The following ZCCHC14 variants were observed in gnomAD, a reference collection of about 807,000 sequenced individuals.
The protein encoded by ZCCHC14 is zinc finger CCHC domain-containing protein 14.
ZCCHC14 carries 16 observed loss-of-function variants against 85.0 expected under a neutral mutation model. The observed-to-expected ratio is 0.19, with a 90% CI of 0.13 to 0.29. The LOEUF (loss-of-function observed/expected upper bound fraction) is 0.29. Among genes scored for constraint, ZCCHC14 ranks in the 10% least tolerant of loss-of-function variants. ZCCHC14 has a pLI of 1.00. For synonymous variants in ZCCHC14, 775 were observed against 630.7 expected (o/e 1.23, Z -3.43); for missense variants, 1,303 against 1,443.5 (o/e 0.90, Z 1.58).
chr16:87,490,692 A>G (rs1912714085), intron 1 of ZCCHC14, among the ~76,000 whole-genome samples: 1 of 152,230 alleles, frequency 6.6e-6, no homozygotes, highest in Non-Finnish European at 1.5e-5. Flanking sequence ...AGGGTCGCCA[A>G]TAAATAGGTT....
intron 12 of ZCCHC14, among the ~76,000 whole-genome samples, chr16:87,411,024 CAA>C (rs530327885): frequency 7.9e-5 from 12 of 152,182 alleles, no homozygotes; most frequent in Middle Eastern, 3.4e-3. Context: ...CTAAAGGAGA[CAA>C]AAAAATAGCG....
intron 1 of ZCCHC14, among the ~76,000 whole-genome samples, chr16:87,475,246 T>G (rs1293752000): frequency 6.6e-6 from 1 of 151,928 alleles, no homozygotes; most frequent in Non-Finnish European, 1.5e-5. Context: ...AAAGAGAACA[T>G]TTCTTAAAAA....
intron 2 of ZCCHC14, among the ~76,000 whole-genome samples, chr16:87,436,478 G>A (rs1157317517): frequency 6.6e-6 from 1 of 152,234 alleles, no homozygotes; most frequent in African/African-American, 2.4e-5. Flanking sequence ...GGGCTAGTGC[G>A]GGGGCTGGGT....
chr16:87,443,626 A>G (rs116550196), intron 2 of ZCCHC14, among the ~76,000 whole-genome samples: 3,419 of 152,186 alleles, frequency 0.022, 143 homozygotes, highest in African/African-American at 0.078. Flanking sequence ...AGCCCCAGCT[A>G]CTCGGGAGGC....
chr16:87,456,486 T>C (rs1910968970), intron 2 of ZCCHC14, among the ~76,000 whole-genome samples: 1 of 128,238 alleles, frequency 7.8e-6, no homozygotes, highest in African/African-American at 2.8e-5. Context: ...TGAGCTGTGA[T>C]TGCGCCACTG....
intron 2 of ZCCHC14, among the ~76,000 whole-genome samples, chr16:87,436,783 CATG>C (rs929930550): frequency 3.5e-4 from 54 of 152,310 alleles, no homozygotes; most frequent in African/African-American, 1.3e-3. Flanking sequence ...CTATGCATAA[CATG>C]ATGACAGTTT....
chr16:87,412,312 G>C lies in ZCCHC14; in HGVS notation c.2409C>G (p.Pro803=), dbSNP rs774415913. 6.2e-7 allele frequency: 1 copy of C among 1,613,966 alleles called. No individual in the cohort carries two copies. The highest frequency in any genetic ancestry group is 1.1e-5 in the South Asian group (1 of 91,086). ...SCPNNVQISV[P]PAIINPRTAL... ...CAGTCCGGGGGTTTATTATTGCAGGGGGCACACTTATTTGCACATTATTAG... is the reference window on the plus strand; with the variant it reads ...CAGTCCGGGGGTTTATTATTGCAGGCGGCACACTTATTTGCACATTATTAG... Residue 803 remains proline (P), a synonymous_variant, in exon 12 of 13, where the codon CCC becomes CCG. Transcript: ENST00000671377.
chr16:87,424,822 G>A (rs971260163), intron 3 of ZCCHC14, among the ~76,000 whole-genome samples: 2 of 152,166 alleles, frequency 1.3e-5, no homozygotes, highest in African/African-American at 4.8e-5. Flanking sequence ...TGACAGGGAG[G>A]AGGCCAGGTC....
chr16:87,456,558 A>AAAAT (rs1432806249), intron 2 of ZCCHC14, among the ~76,000 whole-genome samples: 1 of 142,346 alleles, frequency 7.0e-6, no homozygotes, highest in African/African-American at 2.6e-5. Context: ...AAAAAAAAAA[A>AAAAT]AAAAATTTAG....
chr16:87,490,916 C>G (rs1413220115), intron 1 of ZCCHC14, among the ~76,000 whole-genome samples: 1 of 152,260 alleles, frequency 6.6e-6, no homozygotes, highest in Non-Finnish European at 1.5e-5. Flanking sequence ...CCCAGGCCCC[C>G]AGCGACACAG....
chr16:87,475,197 G>A (rs1269178808), intron 1 of ZCCHC14, among the ~76,000 whole-genome samples: 1 of 152,176 alleles, frequency 6.6e-6, no homozygotes, highest in Non-Finnish European at 1.5e-5. Context: ...GAAAGGCAAA[G>A]GGACTTAGGC....
At chr16:87,454,337 C>T (rs531823550) in intron 2 of ZCCHC14, among the ~76,000 whole-genome samples, 1 of 152,310 alleles carries the variant, frequency 6.6e-6, no homozygotes, top group East Asian at 1.9e-4. Context: ...AAGAAAATTA[C>T]ACCAAGGCAC....
At chr16:87,429,435 C>A (rs1396971236) in intron 3 of ZCCHC14, among the ~76,000 whole-genome samples, 1 of 152,146 alleles carries the variant, frequency 6.6e-6, no homozygotes, top group Non-Finnish European at 1.5e-5. Context: ...CCTCAGCCTC[C>A]CGAGTAGCTG....
At chr16:87,488,094 T>G (rs1912596302) in intron 1 of ZCCHC14, among the ~76,000 whole-genome samples, 2 of 152,190 alleles carry the variant, frequency 1.3e-5, no homozygotes, top group South Asian at 4.1e-4. Context: ...CTGACTTCAC[T>G]GTAAAAGGGT....
chr16:87,409,523 T>G lies in ZCCHC14; in HGVS notation c.*757A>C, dbSNP rs1377990286. 1 of 152,486 alleles carries G rather than the reference T, an allele frequency of 6.6e-6. No individual in the cohort carries two copies. Among genetic ancestry groups the G allele is most frequent in the South Asian group, 2.1e-4 (1 of 4,830 alleles). The allele number at this position is 152,486 out of a possible 1,614,324, so 9.4% of individuals were successfully genotyped here. A position where few individuals can be genotyped will look rare whatever the true frequency, so the allele number is the denominator to read the frequency against. On this transcript the variant is annotated 3_prime_UTR_variant, in exon 13 of 13. Coordinates refer to ENST00000671377, the MANE Select transcript of ZCCHC14 (RefSeq NM_015144.3). ...CTCTGGGACTTGGACCCTTAGAAAT[T>G]AAGTTGTTGCGAGTAAACTATTTCT...
chr16:87,434,990 CAAAAAAAAAAAAAA>C (rs35789742), intron 2 of ZCCHC14, among the ~76,000 whole-genome samples: 24 of 74,380 alleles, frequency 3.2e-4, no homozygotes, highest in African/African-American at 1.3e-3. Flanking sequence ...GACTTCGCCT[CAAAAAAAAAAAAAA>C]AAAAAAAAAA....
At chr16:87,411,173 C>T (rs1597395627) in intron 12 of ZCCHC14, among the ~76,000 whole-genome samples, 1 of 152,332 alleles carries the variant, frequency 6.6e-6, no homozygotes, top group East Asian at 1.9e-4. Flanking sequence ...CGATGCGCCA[C>T]AGCCTGAGGG....
At position 87,467,047 on chromosome 16, in the gene ZCCHC14, T is replaced by TG. The variant is rs530871568; in HGVS notation, c.571-6917_571-6916insC. 6.1e-3 allele frequency: 315 copies of TG among 52,002 alleles called. 1 individual carries two copies. Among genetic ancestry groups the TG allele is most frequent in the African/African-American group, 0.015 (289 of 19,586 alleles). The allele number at this position is 52,002 out of a possible 1,614,324, so 3.2% of individuals were successfully genotyped here. ...GTTTTTCATGAAAAAAAAAAATTGT[T>TG]TTTTTTTTTTTTTTTACTAAAGAGA... On this transcript the variant is annotated intron_variant, in intron 1 of 12. Coordinates refer to ENST00000671377, the MANE Select transcript of ZCCHC14 (RefSeq NM_015144.3).
At chr16:87,424,178 T>A (rs1597406904) in intron 3 of ZCCHC14, among the ~76,000 whole-genome samples, 1 of 152,210 alleles carries the variant, frequency 6.6e-6, no homozygotes, top group Non-Finnish European at 1.5e-5. Context: ...GACAATTGCT[T>A]GTGTGTGCCC....
Sources: allele counts gnomAD v4.1 joint callset (sites outside exome capture counted in the v4.1 genomes callset), GRCh38; gene constraint gnomAD v4.1.1; transcripts MANE v1.5; gene names NCBI Gene and HGNC (gene_info 2026-07-23, HGNC 2026-07-21).